The following KCNQ5 variants were observed in gnomAD, a reference collection of about 807,000 sequenced individuals.
The protein encoded by KCNQ5 is potassium voltage-gated channel subfamily Q member 5.
Under a neutral mutation model 98.2 loss-of-function variants are expected in KCNQ5, and 30 were observed. The ratio of observed to expected loss-of-function variants is 0.31; its 90% confidence interval spans 0.23 to 0.41. The LOEUF (loss-of-function observed/expected upper bound fraction) is 0.41. Among genes scored for constraint, KCNQ5 ranks in the 10% least tolerant of loss-of-function variants. The pLI, the probability that KCNQ5 is intolerant of heterozygous loss-of-function variation, is 1.00. For missense variants in KCNQ5, 835 were observed against 1,182.5 expected, an observed-to-expected ratio of 0.71 and a Z score of 4.31; for synonymous variants, 458 against 449.4, an observed-to-expected ratio of 1.02 and a Z score of -0.24.
intron 1 of KCNQ5, among the ~76,000 whole-genome samples, chr6:72,952,433 C>A (rs1766848987): frequency 6.6e-6 from 1 of 152,128 alleles, no homozygotes; most frequent in South Asian, 2.1e-4. Context: ...TTGTACACTT[C>A]TTAATAAACA....
intron 1 of KCNQ5, among the ~76,000 whole-genome samples, chr6:72,757,375 A>T (rs1158861209): frequency 5.3e-5 from 8 of 152,204 alleles, no homozygotes; most frequent in Admixed American, 5.2e-4. Flanking sequence ...TCCTCCATTT[A>T]TGATGGGGTT....
intron 1 of KCNQ5, among the ~76,000 whole-genome samples, chr6:72,632,856 A>G (rs778866559): frequency 6.6e-6 from 1 of 151,308 alleles, no homozygotes; most frequent in East Asian, 1.9e-4. Context: ...GGTTGATTCC[A>G]TGTCCTTGCT....
chr6:73,051,519 T>C (rs1475038160), intron 3 of KCNQ5, among the ~76,000 whole-genome samples: 1 of 152,050 alleles, frequency 6.6e-6, no homozygotes, highest in Non-Finnish European at 1.5e-5. Context: ...ACTTTAGCAG[T>C]TTCCTAACCT....
chr6:72,635,289 C>A (rs1304184468), intron 1 of KCNQ5, among the ~76,000 whole-genome samples: 1 of 152,098 alleles, frequency 6.6e-6, no homozygotes, highest in African/African-American at 2.4e-5. Flanking sequence ...CTTGGCCTCA[C>A]AAAGTGCTGG....
At chr6:73,153,608 A>G (rs781251277) in intron 10 of KCNQ5, among the ~76,000 whole-genome samples, 23 of 152,238 alleles carry the variant, frequency 1.5e-4, no homozygotes, top group Admixed American at 5.2e-4. Flanking sequence ...AGCCTCCCAT[A>G]GAGCTGAGAG....
intron 10 of KCNQ5, chr6:73,157,551 G>A: frequency 1.3e-6 from 1 of 750,228 alleles, no homozygotes; most frequent in Non-Finnish European, 2.5e-6. Context: ...TCCTTGCTGG[G>A]TGGTGTCAGA....
At chr6:72,909,639 T>C (rs1447353920) in intron 1 of KCNQ5, among the ~76,000 whole-genome samples, 2 of 152,144 alleles carry the variant, frequency 1.3e-5, no homozygotes, top group Non-Finnish European at 2.9e-5. Flanking sequence ...TCTTGAAACC[T>C]AATGGAAACC....
chr6:72,927,615 C>G (rs1337388939), intron 1 of KCNQ5, among the ~76,000 whole-genome samples: 1 of 151,928 alleles, frequency 6.6e-6, no homozygotes, highest in East Asian at 1.9e-4. Context: ...ATCTAACTTC[C>G]TACTGTTGGA....
At chr6:72,667,399 T>A (rs374516080) in intron 1 of KCNQ5, among the ~76,000 whole-genome samples, 12 of 152,202 alleles carry the variant, frequency 7.9e-5, no homozygotes, top group African/African-American at 2.9e-4. Context: ...TTCAGGCCTT[T>A]GCCTTTTTTT....
At chr6:73,007,341 C>T (rs1769859382) in intron 2 of KCNQ5, among the ~76,000 whole-genome samples, 1 of 152,180 alleles carries the variant, frequency 6.6e-6, no homozygotes, top group Non-Finnish European at 1.5e-5. Context: ...TCAAATTTCA[C>T]TCCTGTCCAA....
chr6:73,124,968 TATATATATATATACACACAC>T (rs1172188511), intron 9 of KCNQ5, among the ~76,000 whole-genome samples: 476 of 10,624 alleles, frequency 0.045, 7 homozygotes, highest in African/African-American at 0.19. Context: ...TATATATATA[TATATATATATATACACACAC>T]ACACATATAT....
chr6:72,942,913 C>G (rs901282251), intron 1 of KCNQ5, among the ~76,000 whole-genome samples: 1 of 152,072 alleles, frequency 6.6e-6, no homozygotes, highest in Non-Finnish European at 1.5e-5. Flanking sequence ...CACTTTATGC[C>G]GTATTTGGCA....
At chr6:72,875,814 A>G (rs1778383660) in intron 1 of KCNQ5, among the ~76,000 whole-genome samples, 1 of 152,106 alleles carries the variant, frequency 6.6e-6, no homozygotes, top group Non-Finnish European at 1.5e-5. Context: ...CCTGCTATCA[A>G]TAAACAAATA....
intron 1 of KCNQ5, among the ~76,000 whole-genome samples, chr6:72,779,662 T>G (rs1238048249): frequency 6.6e-6 from 1 of 152,040 alleles, no homozygotes; most frequent in Non-Finnish European, 1.5e-5. Context: ...TTTTTTGTTT[T>G]CAGACGAGGT....
At chr6:72,938,670 T>G (rs1420069630) in intron 1 of KCNQ5, among the ~76,000 whole-genome samples, 1 of 151,990 alleles carries the variant, frequency 6.6e-6, no homozygotes, top group Non-Finnish European at 1.5e-5. Flanking sequence ...CAGGCACGAG[T>G]CACCACGCCC....
intron 3 of KCNQ5, among the ~76,000 whole-genome samples, chr6:73,046,724 C>T (rs1397988113): frequency 6.6e-6 from 1 of 151,736 alleles, no homozygotes; most frequent in East Asian, 1.9e-4. Flanking sequence ...CTCACTACAA[C>T]CTCCGCCTCC....
intron 1 of KCNQ5, among the ~76,000 whole-genome samples, chr6:72,672,516 G>C (rs926353826): frequency 1.3e-5 from 2 of 152,178 alleles, no homozygotes; most frequent in African/African-American, 4.8e-5. Context: ...AGACAGCCTA[G>C]TGTTTTTAAA....
chr6:72,987,438 A>G (rs1582144172), intron 1 of KCNQ5: 2 of 686,260 alleles, frequency 2.9e-6, no homozygotes, highest in East Asian at 3.1e-5. Flanking sequence ...CCAGTGGGAT[A>G]CTGCTGGTTT....
chr6:73,195,396 T>G lies in KCNQ5; in HGVS notation c.2781T>G (p.Pro927=), dbSNP rs781572020. ...AAAGTACAGATGCCCTCAGCTTGCC[T>G]CATGTCAAACTGAAATAAGTTCTTC... ...AGESTDALSL[P]HVKLK Residue 927 remains proline, a synonymous_variant, in exon 14 of 14, where the codon CCT becomes CCG. Coordinates refer to ENST00000370398, the MANE Select transcript of KCNQ5 (RefSeq NM_019842.4). The G allele has an allele frequency of 6.2e-7, 1 of 1,612,886 alleles. No homozygotes were observed. The highest frequency in any genetic ancestry group is 8.5e-7 in the Non-Finnish European group (1 of 1,178,992).
Sources: gnomAD v4.1 joint callset for allele counts (sites outside exome capture counted in the v4.1 genomes callset) on GRCh38, gnomAD v4.1.1 for gene constraint, MANE v1.5 for transcripts, NCBI Gene and HGNC (gene_info 2026-07-23, HGNC 2026-07-21) for gene names.